Variants in BNC2 observed in about 807,000 individuals in gnomAD.
The protein encoded by BNC2 is zinc finger protein basonuclin-2.
BNC2 carries 20 observed loss-of-function variants against 76.3 expected under a neutral mutation model. The ratio of observed to expected loss-of-function variants is 0.26; its 90% CI spans 0.18 to 0.38. The LOEUF (loss-of-function observed/expected upper bound fraction) is 0.38, where lower values mean the gene tolerates loss of function less well. BNC2 is among the 10% of genes least tolerant of loss of function. BNC2 has a pLI of 1.00. For synonymous variants in BNC2, 582 were observed against 514.8 expected, an observed-to-expected ratio of 1.13 and a Z score of -1.77; for missense variants, 1,382 against 1,399.8, an observed-to-expected ratio of 0.99 and a Z score of 0.20.
intron 3 of BNC2, among the ~76,000 whole-genome samples, chr9:16,623,537 CTT>C (rs1820918404): frequency 6.6e-6 from 1 of 152,180 alleles, no homozygotes; most frequent in Non-Finnish European, 1.5e-5. Context: ...AACAACTACA[CTT>C]TGTAAAGCAA....
At chr9:16,585,265 G>C (rs1478126935) in intron 3 of BNC2, among the ~76,000 whole-genome samples, 2 of 151,934 alleles carry the variant, frequency 1.3e-5, no homozygotes, top group African/African-American at 2.4e-5. Context: ...CACTTACTCT[G>C]AACAAGTTTA....
intron 4 of BNC2, among the ~76,000 whole-genome samples, chr9:16,557,374 C>T (rs1281596326): frequency 6.6e-6 from 1 of 151,940 alleles, no homozygotes; most frequent in Non-Finnish European, 1.5e-5. Flanking sequence ...TGGCACACGC[C>T]TGTAGTCCCA....
rs180714987 is a variant in BNC2, at chr9:16,426,306, C to T, written c.2640-6657G>A. Among the ~76,000 whole-genome samples the T allele has an allele frequency of 1.3e-4, 19 of 149,488 alleles. 1 individual carries two copies. The East Asian group carries it at 3.8e-3, about 30-fold the overall frequency. ...AATAATAGGAGCTAATTTTTACAGGCATGTGCCACCATGCCCAGCTTTTTT... is the reference window on the plus strand; with the variant it reads ...AATAATAGGAGCTAATTTTTACAGGTATGTGCCACCATGCCCAGCTTTTTT... On this transcript the variant is annotated intron_variant, in intron 6 of 6. Transcript: ENST00000380672.
intron 3 of BNC2, among the ~76,000 whole-genome samples, chr9:16,704,552 T>C (rs1823604388): frequency 2.2e-5 from 3 of 135,506 alleles, no homozygotes; most frequent in Non-Finnish European, 4.9e-5. Flanking sequence ...ATTTAGCCCT[T>C]CTAAATGCCA....
At chr9:16,549,043 G>C (rs1351010385) in intron 5 of BNC2, among the ~76,000 whole-genome samples, 1 of 152,130 alleles carries the variant, frequency 6.6e-6, no homozygotes, top group African/African-American at 2.4e-5. Flanking sequence ...TGTATCTGTA[G>C]CATCACTATC....
Position 16,638,358 on chromosome 9 carries a change from G to T in BNC2, c.331-55273C>A, listed in dbSNP as rs919560434. On this transcript the variant is annotated intron_variant, in intron 3 of 6. Coordinates refer to ENST00000380672, the MANE Select transcript of BNC2 (RefSeq NM_017637.6). ...AAATGAAATTCATCAATAGTACTTT[G>T]AAGAATCAAGGCAGATCATTACTGA... Among the ~76,000 whole-genome samples, 32 of 152,196 alleles carry T rather than the reference G, an allele frequency of 2.1e-4. 2 individuals are homozygous for T. In the East Asian group the frequency reaches 6.2e-3, roughly 29 times the overall value.
chr9:16,866,562 C>T (rs1346571555), intron 1 of BNC2, among the ~76,000 whole-genome samples: 2 of 150,282 alleles, frequency 1.3e-5, no homozygotes, highest in Non-Finnish European at 2.9e-5. Flanking sequence ...TATCTGGTTG[C>T]ATTTTGCCTG....
At chr9:16,870,286 C>A (rs913178037) in intron 1 of BNC2, among the ~76,000 whole-genome samples, 2 of 152,192 alleles carry the variant, frequency 1.3e-5, no homozygotes, top group Non-Finnish European at 2.9e-5. Context: ...CACTCCCCTC[C>A]ACCTCGTCCC....
Position 16,419,504 on chromosome 9 carries a change from G to A in BNC2, c.2785C>T (p.Leu929Phe). The A allele has an allele frequency of 1.9e-6, 3 of 1,614,112 alleles. No individual in the cohort carries two copies. The highest frequency in any genetic ancestry group is 2.5e-6 in the Non-Finnish European group (3 of 1,180,032). The change falls in exon 7 of 7, where the codon CTC (leucine) becomes TTC (phenylalanine). Residue 929 changes from leucine to phenylalanine, a missense_variant. By Grantham distance (22) the Leu-to-Phe change is conservative. Coordinates refer to ENST00000380672, the MANE Select transcript of BNC2 (RefSeq NM_017637.6). ...KIYGAQHPMG[L>F]DVREDASSPA... ...GAGGAGGCGTCTTCCCTGACATCGA[G>A]CCCCATGGGGTGCTGGGCACCATAT...
chr9:16,828,930 G>C (rs770362701), intron 1 of BNC2, among the ~76,000 whole-genome samples: 1 of 151,860 alleles, frequency 6.6e-6, no homozygotes, highest in Non-Finnish European at 1.5e-5. Context: ...CGTATGACTA[G>C]ATGGCCCCGA....
At chr9:16,662,408 A>C (rs532518576) in intron 3 of BNC2, among the ~76,000 whole-genome samples, 1 of 152,336 alleles carries the variant, frequency 6.6e-6, no homozygotes, top group East Asian at 1.9e-4. Context: ...AGGCATGGTC[A>C]GAGGTAATTG....
intron 5 of BNC2, among the ~76,000 whole-genome samples, chr9:16,440,147 G>T (rs1821096792): frequency 6.6e-6 from 1 of 152,168 alleles, no homozygotes; most frequent in Non-Finnish European, 1.5e-5. Flanking sequence ...CCAGAGCTCA[G>T]AGAACAGATG....
At chr9:16,719,332 T>C (rs958492787) in intron 3 of BNC2, among the ~76,000 whole-genome samples, 1 of 152,188 alleles carries the variant, frequency 6.6e-6, no homozygotes, top group Non-Finnish European at 1.5e-5. Flanking sequence ...TTGATTTAAA[T>C]GTTAATGGAA....
chr9:16,651,756 T>C (rs2133953950), intron 3 of BNC2, among the ~76,000 whole-genome samples: 1 of 152,206 alleles, frequency 6.6e-6, no homozygotes, highest in East Asian at 1.9e-4. Context: ...TTTATGTCTC[T>C]GTCCAAGAAA....
Position 16,781,562 on chromosome 9 carries a change from C to T in BNC2, c.4-43077G>A, listed in dbSNP as rs533811988. Among the ~76,000 whole-genome samples, 9 of 152,236 alleles carry T rather than the reference C, an allele frequency of 5.9e-5. No individual in the cohort carries two copies. The South Asian group carries it at 8.3e-4, about 14-fold the overall frequency. On this transcript the variant is annotated intron_variant, in intron 1 of 6. Transcript: ENST00000380672. ...TTCGTTGTGTTGCCCATGCTGGTCG[C>T]GAACTCCTAAGCTCAGGCAATCTGC...
intron 5 of BNC2, among the ~76,000 whole-genome samples, chr9:16,441,597 G>GT (rs1821129676): frequency 6.6e-6 from 1 of 152,150 alleles, no homozygotes; most frequent in South Asian, 2.1e-4. Flanking sequence ...TTCTGTGAAG[G>GT]TAACGACCTC....
At chr9:16,549,839 A>G (rs1818604761) in intron 5 of BNC2, among the ~76,000 whole-genome samples, 1 of 152,174 alleles carries the variant, frequency 6.6e-6, no homozygotes, top group African/African-American at 2.4e-5. Context: ...TCATTTAAAT[A>G]AAATCTATAT....
Position 16,779,144 on chromosome 9 carries a change from A to AGAAAAG in BNC2, c.4-40660_4-40659insCTTTTC, listed in dbSNP as rs1401762398. Among the ~76,000 whole-genome samples, 569 of 149,148 alleles carry AGAAAAG rather than the reference A, an allele frequency of 3.8e-3. 2 individuals are homozygous for AGAAAAG. The highest frequency in any genetic ancestry group is 0.013 in the African/African-American group (535 of 40,052). On this transcript the variant is annotated intron_variant, in intron 1 of 6. Transcript: ENST00000380672. ...AAAAAAAAAAAAAAAAGAAAAGAAAAGAAAAAAAAACCAGCCAAGCATGGT... is the reference window on the plus strand; with the variant it reads ...AAAAAAAAAAAAAAAAGAAAAGAAAAGAAAAGGAAAAAAAAACCAGCCAAGCATGGT...
intron 3 of BNC2, among the ~76,000 whole-genome samples, chr9:16,691,258 C>G (rs141613278): frequency 1.3e-5 from 2 of 152,218 alleles, no homozygotes; most frequent in East Asian, 1.9e-4. Context: ...CCATTGTACT[C>G]CTTTTACTTC....
Sources: allele counts gnomAD v4.1 joint callset (sites outside exome capture counted in the v4.1 genomes callset), GRCh38; gene constraint gnomAD v4.1.1; transcripts MANE v1.5; gene names NCBI Gene and HGNC (gene_info 2026-07-23, HGNC 2026-07-21).